The following TLL1 variants were observed in gnomAD, a reference collection of about 807,000 sequenced individuals.
TLL1 encodes tolloid like 1, also known as tolloid-like protein 1.
Under a neutral mutation model 128.2 loss-of-function variants are expected in TLL1, and 49 were observed. The ratio of observed to expected loss-of-function variants is 0.38; its 90% confidence interval spans 0.30 to 0.48. The LOEUF is 0.48. Ranked by LOEUF, TLL1 falls within the 20% of genes least tolerant of loss-of-function variation. The pLI, the probability that TLL1 is intolerant of heterozygous loss-of-function variation, is 0.96. For synonymous variants in TLL1, 454 were observed against 418.8 expected (o/e 1.08, Z -1.03); for missense variants, 1,123 against 1,242.0 (o/e 0.90, Z 1.44).
At chr4:166,050,698 G>C (rs1445755002) in intron 12 of TLL1, among the ~76,000 whole-genome samples, 1 of 152,160 alleles carries the variant, frequency 6.6e-6, no homozygotes, top group African/African-American at 2.4e-5. Flanking sequence ...TCCAGGGCTG[G>C]CTTTCCTTCA....
intron 6 of TLL1, among the ~76,000 whole-genome samples, chr4:166,005,786 C>A (rs996526685): frequency 6.6e-6 from 1 of 151,612 alleles, no homozygotes; most frequent in African/African-American, 2.4e-5. Context: ...ATGTAACTTT[C>A]AAAAATGGTT....
At chr4:165,977,062 G>GA (rs1274651842) in intron 1 of TLL1, among the ~76,000 whole-genome samples, 1 of 152,078 alleles carries the variant, frequency 6.6e-6, no homozygotes, top group East Asian at 1.9e-4. Flanking sequence ...TATAACAAAA[G>GA]AAAAAAATAG....
At chr4:165,999,503 A>G (rs554537996) in intron 5 of TLL1, among the ~76,000 whole-genome samples, 1 of 152,168 alleles carries the variant, frequency 6.6e-6, no homozygotes, top group African/African-American at 2.4e-5. Flanking sequence ...AGAACAGCAC[A>G]GGGGAGACCA....
At chr4:165,918,204 G>A (rs1579485218) in intron 1 of TLL1, among the ~76,000 whole-genome samples, 1 of 152,018 alleles carries the variant, frequency 6.6e-6, no homozygotes, top group East Asian at 1.9e-4. Context: ...ATTTTTTTTG[G>A]TCCATCATTT....
chr4:166,094,982 C>A (rs1227455600), intron 19 of TLL1, among the ~76,000 whole-genome samples: 2 of 152,068 alleles, frequency 1.3e-5, no homozygotes, highest in African/African-American at 4.8e-5. Context: ...TTCAATTTAT[C>A]TTTCAATTTC....
At chr4:166,100,420 T>C (rs1374858494) in intron 20 of TLL1, among the ~76,000 whole-genome samples, 1 of 152,078 alleles carries the variant, frequency 6.6e-6, no homozygotes, top group East Asian at 1.9e-4. Context: ...GATTTGTAAA[T>C]CAAGAGAACT....
intron 15 of TLL1, 53 bp from the exon 16 acceptor site, chr4:166,065,630 T>C (rs763517326): frequency 5.5e-5 from 86 of 1,552,772 alleles, no homozygotes; most frequent in Non-Finnish European, 7.4e-5. Flanking sequence ...AAGATAAATG[T>C]CAATCATCTT....
At chr4:166,026,033 A>G (rs999242373) in intron 9 of TLL1, among the ~76,000 whole-genome samples, 1 of 152,186 alleles carries the variant, frequency 6.6e-6, no homozygotes, top group Admixed American at 6.5e-5. Context: ...TGAAAATAAC[A>G]TATGATTGGA....
chr4:165,894,059 CTTATA>C (rs559379000), intron 1 of TLL1, among the ~76,000 whole-genome samples: 15 of 152,160 alleles, frequency 9.9e-5, no homozygotes, highest in Admixed American at 2.0e-4. Flanking sequence ...GCTAGAATAT[CTTATA>C]TTATAACACT....
At chr4:166,010,225 G>A (rs561029716) in intron 7 of TLL1, among the ~76,000 whole-genome samples, 53 of 151,412 alleles carry the variant, frequency 3.5e-4, no homozygotes, top group African/African-American at 1.2e-3. Flanking sequence ...TCATCCATCA[G>A]TGAGCATTTG....
intron 1 of TLL1, among the ~76,000 whole-genome samples, chr4:165,889,158 G>A (rs1229305167): frequency 2.6e-5 from 4 of 152,128 alleles, no homozygotes; most frequent in Non-Finnish European, 5.9e-5. Flanking sequence ...CATTAACATG[G>A]ACTTTTAAAT....
chr4:165,949,969 A>G (rs966742004), intron 1 of TLL1, among the ~76,000 whole-genome samples: 1 of 152,198 alleles, frequency 6.6e-6, no homozygotes, highest in Admixed American at 6.6e-5. Flanking sequence ...CCACACCATT[A>G]AAAGGCAGAG....
chr4:165,995,538 A>G (rs1183549879), intron 5 of TLL1, among the ~76,000 whole-genome samples: 1 of 152,144 alleles, frequency 6.6e-6, no homozygotes, highest in African/African-American at 2.4e-5. Flanking sequence ...TTTGATTTCA[A>G]CTTCTATTCC....
At position 166,104,225 on chromosome 4, in the gene TLL1, T is replaced by G. The variant is rs1742415245; in HGVS notation, c.*3349T>G. On this transcript the variant is annotated 3_prime_UTR_variant, in exon 21 of 21. Coordinates refer to ENST00000061240, the MANE Select transcript of TLL1 (RefSeq NM_012464.5). ...AAAGCATCAAATGACTAATTTTATT[T>G]TTGCAAGGTTAAAATTTATTTTTAA... Among the ~76,000 whole-genome samples, 1 of 151,990 alleles carries G rather than the reference T, an allele frequency of 6.6e-6. No homozygotes were observed. The highest frequency in any genetic ancestry group is 1.5e-5 in the Non-Finnish European group (1 of 67,938).
chr4:166,003,530 G>A lies in TLL1; in HGVS notation c.772G>A (p.Asp258Asn), dbSNP rs760672440. ...FWHEHTRPDRDNHVTIIRENI... is the reference protein window; with the variant it reads ...FWHEHTRPDRNNHVTIIRENI... ...GCATGAACACACAAGACCAGATCGAGATAACCACGTAACTATCATAAGAGA... is the reference window on the plus strand; with the variant it reads ...GCATGAACACACAAGACCAGATCGAAATAACCACGTAACTATCATAAGAGA... The change falls in exon 6 of 21, where the codon GAT becomes AAT. Residue 258 changes from aspartate (D) to asparagine (N), a missense_variant. Transcript: ENST00000061240. 2 of 1,613,910 alleles carry A rather than the reference G, an allele frequency of 1.2e-6. No individual in the cohort carries two copies. Among genetic ancestry groups the A allele is most frequent in the African/African-American group, 2.7e-5 (2 of 74,906 alleles).
intron 1 of TLL1, among the ~76,000 whole-genome samples, chr4:165,979,188 A>G (rs1180071799): frequency 6.6e-6 from 1 of 152,144 alleles, no homozygotes; most frequent in Admixed American, 6.6e-5. Flanking sequence ...TTGACTACCT[A>G]GGTATATATC....
chr4:165,913,893 G>A (rs1732658644), intron 1 of TLL1, among the ~76,000 whole-genome samples: 2 of 152,076 alleles, frequency 1.3e-5, no homozygotes, highest in African/African-American at 4.8e-5. Context: ...GTGTGTACCT[G>A]TAGTCCTAGC....
intron 1 of TLL1, among the ~76,000 whole-genome samples, chr4:165,929,741 A>C (rs1318750328): frequency 6.6e-6 from 1 of 152,200 alleles, no homozygotes; most frequent in East Asian, 1.9e-4. Flanking sequence ...CTAGCAGATA[A>C]CTTTTTGTGA....
intron 14 of TLL1, among the ~76,000 whole-genome samples, chr4:166,058,013 A>G (rs1428958691): frequency 6.6e-6 from 1 of 152,200 alleles, no homozygotes; most frequent in East Asian, 1.9e-4. Context: ...CTACATCTAG[A>G]CCTAGATTTA....
Sources: gnomAD v4.1 joint callset for allele counts (sites outside exome capture counted in the v4.1 genomes callset) on GRCh38, gnomAD v4.1.1 for gene constraint, MANE v1.5 for transcripts, NCBI Gene and HGNC (gene_info 2026-07-23, HGNC 2026-07-21) for gene names.